Variants in FHIT observed in about 807,000 individuals in gnomAD.
FHIT encodes bis(5'-adenosyl)-triphosphatase.
In FHIT, 19 loss-of-function variants were observed where a neutral mutation model predicts 17.9. The observed-to-expected ratio is 1.06, with a 90% CI of 0.74 to 1.56. The LOEUF (loss-of-function observed/expected upper bound fraction) is 1.56, where lower values mean the gene tolerates loss of function less well. Ranked by LOEUF, FHIT falls within the 40% of genes most tolerant of loss-of-function variation. The pLI is 0.00. For synonymous variants in FHIT, 81 were observed against 69.7 expected (o/e 1.16, Z -0.81); for missense variants, 248 against 189.2 (o/e 1.31, Z -1.82).
rs148029763 is a variant in FHIT at position 60,491,074 on chromosome 3, C to G, written c.103+45786G>C. On this transcript the variant is annotated intron_variant, in intron 5 of 9. Transcript: ENST00000492590. ...CTCAAGCCCTCCTTGCAGTACCAAA[C>G]CCACAAAACCAAATGGTGCTGAGTT... Among the ~76,000 whole-genome samples, 8 of 152,222 alleles carry G rather than the reference C, an allele frequency of 5.3e-5. No homozygotes were observed. In the East Asian group the frequency reaches 1.5e-3, roughly 29 times the overall value.
At chr3:59,765,093 G>A (rs989967937) in intron 8 of FHIT, among the ~76,000 whole-genome samples, 3 of 152,162 alleles carry the variant, frequency 2.0e-5, no homozygotes, top group African/African-American at 7.2e-5. Flanking sequence ...ATGGCTGAGA[G>A]ATACACAAAG....
chr3:60,616,026 C>G (rs1292664342), intron 4 of FHIT, among the ~76,000 whole-genome samples: 2 of 152,200 alleles, frequency 1.3e-5, no homozygotes, highest in African/African-American at 2.4e-5. Context: ...AAACTCTGAT[C>G]TGTCTATGAG....
At chr3:60,154,170 C>G (rs554419394) in intron 5 of FHIT, among the ~76,000 whole-genome samples, 11 of 152,324 alleles carry the variant, frequency 7.2e-5, no homozygotes, top group Admixed American at 2.0e-4. Context: ...TGGGAGTTAT[C>G]CATATCCTAC....
intron 4 of FHIT, among the ~76,000 whole-genome samples, chr3:60,574,347 ATCTCCT>A (rs2037492866): frequency 6.6e-6 from 1 of 150,454 alleles, no homozygotes; most frequent in Non-Finnish European, 1.5e-5. Context: ...GCATCCTTGT[ATCTCCT>A]TCTCCAACTC....
chr3:61,109,704 T>C (rs1399524801), intron 2 of FHIT, among the ~76,000 whole-genome samples: 1 of 152,174 alleles, frequency 6.6e-6, no homozygotes, highest in Non-Finnish European at 1.5e-5. Flanking sequence ...AGCAATGTCA[T>C]AAGGCATTTC....
intron 3 of FHIT, among the ~76,000 whole-genome samples, chr3:60,866,472 T>A (rs1395904308): frequency 1.4e-4 from 22 of 152,058 alleles, no homozygotes; most frequent in Non-Finnish European, 3.1e-4. Context: ...AACTGAGGCC[T>A]CCCACCAATA....
intron 4 of FHIT, among the ~76,000 whole-genome samples, chr3:60,621,603 T>C (rs1260547032): frequency 2.0e-5 from 3 of 151,686 alleles, no homozygotes; most frequent in Non-Finnish European, 4.4e-5. Context: ...AAAAAAAGAC[T>C]CCAGAAAATA....
At chr3:60,487,170 G>T (rs1314133964) in intron 5 of FHIT, among the ~76,000 whole-genome samples, 2 of 152,168 alleles carry the variant, frequency 1.3e-5, no homozygotes, top group Non-Finnish European at 2.9e-5. Context: ...AAGGGACTGA[G>T]TAAGAGACTT....
intron 1 of FHIT, among the ~76,000 whole-genome samples, chr3:61,208,580 G>C (rs372582718): frequency 6.1e-4 from 92 of 152,044 alleles, no homozygotes; most frequent in African/African-American, 1.9e-3. Context: ...GGCCTTCTTT[G>C]TCTCTTTTGA....
intron 4 of FHIT, among the ~76,000 whole-genome samples, chr3:60,793,342 C>G (rs532630665): frequency 3.1e-4 from 47 of 151,684 alleles, no homozygotes; most frequent in African/African-American, 1.1e-3. Context: ...TGCTCTGTCG[C>G]CCAGGCTGGA....
chr3:60,399,016 T>G (rs1701563217), intron 5 of FHIT, among the ~76,000 whole-genome samples: 1 of 152,184 alleles, frequency 6.6e-6, no homozygotes, highest in South Asian at 2.1e-4. Context: ...ATAGACTTTT[T>G]TGAAAGATGC....
chr3:61,146,298 T>C (rs1157661336), intron 2 of FHIT, among the ~76,000 whole-genome samples: 1 of 152,018 alleles, frequency 6.6e-6, no homozygotes, highest in East Asian at 1.9e-4. Flanking sequence ...TGCTGAATAC[T>C]GTTAGGGCTC....
intron 4 of FHIT, among the ~76,000 whole-genome samples, chr3:60,688,022 T>C (rs538210637): frequency 1.3e-5 from 2 of 152,332 alleles, no homozygotes; most frequent in East Asian, 3.9e-4. Flanking sequence ...TCTATTGTTC[T>C]TTCTTTTTTA....
At position 60,377,669 on chromosome 3, in the gene FHIT, G is replaced by C. The variant is rs569707270; in HGVS notation, c.103+159191C>G. ...GCTAATTTTTTGTATTTTTAGTAGA[G>C]ACGGGGTTTCACCTTGTTAGCCAGG... On this transcript the variant is annotated intron_variant, in intron 5 of 9. Transcript: ENST00000492590. 1.8e-3 allele frequency among the ~76,000 whole-genome samples: 268 copies of C among 148,738 alleles called. 2 individuals are homozygous for C. The highest frequency in any genetic ancestry group is 0.017 in the South Asian group (77 of 4,608).
chr3:59,890,754 C>T (rs1298480456), intron 8 of FHIT, among the ~76,000 whole-genome samples: 2 of 152,098 alleles, frequency 1.3e-5, no homozygotes, highest in African/African-American at 4.8e-5. Flanking sequence ...GGAAATGCTG[C>T]TTATTATCTC....
At chr3:60,138,859 T>C (rs1309676759) in intron 5 of FHIT, among the ~76,000 whole-genome samples, 1 of 152,026 alleles carries the variant, frequency 6.6e-6, no homozygotes. Flanking sequence ...AGAAGTAGAC[T>C]GTCTGAATTA....
At chr3:60,677,714 T>A (rs1422428493) in intron 4 of FHIT, among the ~76,000 whole-genome samples, 1 of 152,176 alleles carries the variant, frequency 6.6e-6, no homozygotes, top group Non-Finnish European at 1.5e-5. Context: ...TCATCTTGAT[T>A]TTTTTGGAAG....
intron 4 of FHIT, among the ~76,000 whole-genome samples, chr3:60,817,295 T>C (rs530080317): frequency 6.6e-6 from 1 of 152,224 alleles, no homozygotes; most frequent in East Asian, 1.9e-4. Flanking sequence ...ACTAGTCTTT[T>C]ATATTTACAA....
chr3:59,784,969 TG>T (rs1288134206), intron 8 of FHIT, among the ~76,000 whole-genome samples: 3 of 151,966 alleles, frequency 2.0e-5, no homozygotes, highest in Non-Finnish European at 4.4e-5. Flanking sequence ...GCTGGCATCA[TG>T]GGGAGGCCTC....
Sources: gnomAD v4.1 joint callset for allele counts (sites outside exome capture counted in the v4.1 genomes callset) on GRCh38, gnomAD v4.1.1 for gene constraint, MANE v1.5 for transcripts, NCBI Gene and HGNC (gene_info 2026-07-23, HGNC 2026-07-21) for gene names.